Variants in NRP1 observed in about 807,000 individuals in gnomAD.
NRP1 encodes the protein neuropilin 1.
NRP1 carries 35 observed loss-of-function variants against 106.7 expected under a neutral mutation model. The ratio of observed to expected loss-of-function variants is 0.33; its 90% CI spans 0.25 to 0.43. NRP1 has a LOEUF of 0.43. Ranked by LOEUF, NRP1 falls within the 20% of genes least tolerant of loss-of-function variation. NRP1 has a pLI of 1.00. For missense variants in NRP1, 1,024 were observed against 1,170.4 expected (o/e 0.87, Z 1.83); for synonymous variants, 437 against 417.9 (o/e 1.05, Z -0.56).
At chr10:33,290,994 C>T (rs942057207) in intron 2 of NRP1, among the ~76,000 whole-genome samples, 1 of 152,144 alleles carries the variant, frequency 6.6e-6, no homozygotes, top group Non-Finnish European at 1.5e-5. Context: ...CTGTAGGGGG[C>T]AGTGCATAGC....
intron 2 of NRP1, among the ~76,000 whole-genome samples, chr10:33,304,044 A>G (rs765476178): frequency 1.3e-5 from 2 of 152,240 alleles, no homozygotes; most frequent in Non-Finnish European, 2.9e-5. Flanking sequence ...TGGGGATTCA[A>G]CCAAATCACA....
chr10:33,288,888 G>T (rs1170541882), intron 2 of NRP1, among the ~76,000 whole-genome samples: 1 of 152,062 alleles, frequency 6.6e-6, no homozygotes, highest in East Asian at 1.9e-4. Flanking sequence ...GTTTTTAGGG[G>T]GGTCTTGTGT....
At chr10:33,248,199 A>G (rs1841566107) in intron 6 of NRP1, among the ~76,000 whole-genome samples, 1 of 152,192 alleles carries the variant, frequency 6.6e-6, no homozygotes, top group Admixed American at 6.5e-5. Context: ...CTGAGGCAGG[A>G]GAATCGCTTG....
chr10:33,222,540 A>ATTTTTTTAT, intron 7 of NRP1, among the ~76,000 whole-genome samples: 1 of 109,822 alleles, frequency 9.1e-6, no homozygotes. Flanking sequence ...TATTTATTTA[A>ATTTTTTTAT]GATGGAGTCT....
intron 2 of NRP1, among the ~76,000 whole-genome samples, chr10:33,304,078 T>A (rs1845983109): frequency 6.6e-6 from 1 of 152,236 alleles, no homozygotes; most frequent in Non-Finnish European, 1.5e-5. Context: ...ATTTCCTGTG[T>A]GGCACTTAGC....
chr10:33,330,186 T>C (rs2132964900), intron 2 of NRP1, among the ~76,000 whole-genome samples: 1 of 152,322 alleles, frequency 6.6e-6, no homozygotes, highest in Admixed American at 6.5e-5. Flanking sequence ...CCTGTAGGCC[T>C]TATTTTATTC....
At chr10:33,330,220 T>G (rs1240428507) in intron 2 of NRP1, among the ~76,000 whole-genome samples, 2 of 152,178 alleles carry the variant, frequency 1.3e-5, no homozygotes, top group Non-Finnish European at 2.9e-5. Flanking sequence ...CATGTCAAAC[T>G]TACTTAGTAA....
At chr10:33,296,255 A>C (rs958999176) in intron 2 of NRP1, among the ~76,000 whole-genome samples, 3 of 152,228 alleles carry the variant, frequency 2.0e-5, no homozygotes, top group Admixed American at 6.5e-5. Flanking sequence ...CCTTTCAGTG[A>C]GGACAGGAAC....
At chr10:33,202,569 G>GGGA in intron 11 of NRP1, 2 of 1,405,532 alleles carry the variant, frequency 1.4e-6, no homozygotes, top group Non-Finnish European at 1.9e-6. Context: ...CGTGTTATTG[G>GGGA]GGGGGGGTCT....
At chr10:33,332,895 G>A (rs1001555355) in intron 1 of NRP1, among the ~76,000 whole-genome samples, 18 of 151,922 alleles carry the variant, frequency 1.2e-4, no homozygotes, top group African/African-American at 4.1e-4. Flanking sequence ...GTGTGTGTGT[G>A]TGTACTGCAT....
intron 11 of NRP1, 60 bp from the exon 12 acceptor site, chr10:33,197,769 A>G: frequency 1.0e-6 from 1 of 964,940 alleles, no homozygotes; most frequent in Non-Finnish European, 1.6e-6. Flanking sequence ...ATGCAGGAGA[A>G]AAATGTATGC....
intron 2 of NRP1, among the ~76,000 whole-genome samples, chr10:33,271,275 T>A (rs1228934013): frequency 6.6e-6 from 1 of 152,228 alleles, no homozygotes; most frequent in Non-Finnish European, 1.5e-5. Context: ...AATGTCTCCT[T>A]GGCTGGAGCT....
intron 4 of NRP1, among the ~76,000 whole-genome samples, chr10:33,258,002 G>A (rs996581189): frequency 1.3e-5 from 2 of 152,176 alleles, no homozygotes; most frequent in African/African-American, 4.8e-5. Flanking sequence ...CCTGGAGGGA[G>A]GGGCCTTTAA....
chr10:33,332,622 T>C (rs1848364503), intron 1 of NRP1, among the ~76,000 whole-genome samples: 1 of 152,230 alleles, frequency 6.6e-6, no homozygotes, highest in South Asian at 2.1e-4. Context: ...CTCTGTTCAA[T>C]CTCTCTAGCA....
intron 2 of NRP1, among the ~76,000 whole-genome samples, chr10:33,308,622 G>A (rs923907254): frequency 6.6e-6 from 1 of 151,896 alleles, no homozygotes; most frequent in Admixed American, 6.6e-5. Context: ...GAGTAGCTGG[G>A]ATTATGGGCA....
intron 13 of NRP1, among the ~76,000 whole-genome samples, chr10:33,191,606 C>G (rs908562402): frequency 6.6e-6 from 1 of 152,152 alleles, no homozygotes; most frequent in Admixed American, 6.5e-5. Context: ...CAGGGTCGTG[C>G]ACATAGAGAA....
At chr10:33,309,364 C>T (rs1427997434) in intron 2 of NRP1, among the ~76,000 whole-genome samples, 1 of 152,294 alleles carries the variant, frequency 6.6e-6, no homozygotes, top group Middle Eastern at 3.4e-3. Context: ...TTTTTATCAC[C>T]GTAGATCTTG....
At position 33,218,170 on chromosome 10, in the gene NRP1, A is replaced by G. The variant is rs150184792; in HGVS notation, c.1282+3549T>C. ...GAGTGTGTTAAGCAGCCATTGCCCA[A>G]CGTGATTTCCATCTCTGCCAAAATG... is the stretch of plus-strand genomic sequence containing the variant. On this transcript the variant is annotated intron_variant, in intron 8 of 16. Coordinates refer to ENST00000374867, the MANE Select transcript of NRP1 (RefSeq NM_003873.7). 1.1e-3 allele frequency among the ~76,000 whole-genome samples: 167 copies of G among 152,260 alleles called. 2 individuals are homozygous for G. The East Asian group carries it at 0.028, about 26-fold the overall frequency.
chr10:33,303,775 A>G (rs1319388682), intron 2 of NRP1, among the ~76,000 whole-genome samples: 1 of 152,232 alleles, frequency 6.6e-6, no homozygotes, highest in Non-Finnish European at 1.5e-5. Flanking sequence ...CACCTTCTTA[A>G]GATATAACAT....
Sources: allele counts gnomAD v4.1 joint callset (sites outside exome capture counted in the v4.1 genomes callset), GRCh38; gene constraint gnomAD v4.1.1; transcripts MANE v1.5; gene names NCBI Gene and HGNC (gene_info 2026-07-23, HGNC 2026-07-21).